Variants in LRFN5 observed in about 807,000 individuals in gnomAD.
The protein encoded by LRFN5 is leucine rich repeat and fibronectin type III domain containing 5.
In LRFN5, 24 loss-of-function variants were observed where a neutral mutation model predicts 45.6. The observed-to-expected ratio is 0.53, with a 90% CI of 0.38 to 0.74. The LOEUF (loss-of-function observed/expected upper bound fraction) is 0.74. Among genes scored for constraint, LRFN5 ranks in the 30% least tolerant of loss-of-function variants. The pLI, the probability that LRFN5 is intolerant of heterozygous loss-of-function variation, is 0.00. For missense variants in LRFN5, 776 were observed against 861.5 expected, an observed-to-expected ratio of 0.90 and a Z score of 1.24; for synonymous variants, 340 against 313.8, an observed-to-expected ratio of 1.08 and a Z score of -0.88.
At chr14:41,611,998 G>A (rs1014935172) in intron 1 of LRFN5, among the ~76,000 whole-genome samples, 4 of 152,108 alleles carry the variant, frequency 2.6e-5, no homozygotes, top group African/African-American at 4.8e-5. Context: ...ATCTTCATAT[G>A]TTATATCATG....
intron 1 of LRFN5, among the ~76,000 whole-genome samples, chr14:41,614,084 G>A (rs1315444174): frequency 1.3e-5 from 2 of 151,948 alleles, no homozygotes; most frequent in Non-Finnish European, 2.9e-5. Context: ...TATAGGATGT[G>A]GTACTTTTCT....
rs1226864820 is a variant in LRFN5 at position 41,891,208 on chromosome 14, TG to T, written c.1386-41del. On this transcript the variant is annotated intron_variant, in intron 3 of 5. Transcript: ENST00000298119. ...ATAATGACTTTCTGTGTATGTGTTT[TG>T]TTTTGTTATTAATATTAACACAAAT... The T allele has an allele frequency of 4.0e-6, 6 of 1,493,138 alleles. No homozygotes were observed. In the African/African-American group the frequency reaches 6.9e-5, roughly 17 times the overall value. The allele number at this position is 1,493,138 out of a possible 1,614,324, so 92.5% of individuals were successfully genotyped here. A position where few individuals can be genotyped will look rare whatever the true frequency, so the allele number is the denominator to read the frequency against.
intron 2 of LRFN5, among the ~76,000 whole-genome samples, chr14:41,800,789 A>G (rs1887301480): frequency 1.3e-5 from 2 of 151,502 alleles, no homozygotes; most frequent in Admixed American, 1.3e-4. Flanking sequence ...AAAAAAAAAC[A>G]CTGCAGTTCA....
chr14:41,894,995 T>C, intron 4 of LRFN5: 5 of 979,610 alleles, frequency 5.1e-6, no homozygotes, highest in Non-Finnish European at 6.1e-6. Flanking sequence ...GCTTCCTCGT[T>C]CTTATTTTTC....
At chr14:41,757,930 A>T (rs936400110) in intron 1 of LRFN5, among the ~76,000 whole-genome samples, 4 of 152,136 alleles carry the variant, frequency 2.6e-5, no homozygotes, top group African/African-American at 9.7e-5. Context: ...ACCCATATAG[A>T]GTGAGCTATC....
chr14:41,778,005 T>C (rs1886350773), intron 2 of LRFN5, among the ~76,000 whole-genome samples: 2 of 110,044 alleles, frequency 1.8e-5, no homozygotes, highest in Non-Finnish European at 3.8e-5. Flanking sequence ...GATCCTTTTT[T>C]TTTGGTGGGG....
intron 1 of LRFN5, among the ~76,000 whole-genome samples, chr14:41,668,512 A>G (rs1002949020): frequency 2.0e-5 from 3 of 152,074 alleles, no homozygotes; most frequent in Non-Finnish European, 2.9e-5. Context: ...TACGTAGTCA[A>G]ATAAAAAATC....
At chr14:41,811,896 A>T (rs533810795) in intron 2 of LRFN5, among the ~76,000 whole-genome samples, 2 of 152,250 alleles carry the variant, frequency 1.3e-5, no homozygotes, top group East Asian at 3.9e-4. Flanking sequence ...CCTTTGAATT[A>T]TATACTTTAA....
In LRFN5 at chr14:41,891,717, C is replaced by T. The variant is rs143897378; in HGVS notation, c.1853C>T (p.Ser618Leu). ...GTGATTCAATCTTCAGAAACTTGTT[C>T]GAGTCAGGACTCCTCTACCACTACC... ...DNVIQSSETC[S>L]SQDSSTTTSA... The change falls in exon 4 of 6, where the codon TCG becomes TTG. Residue 618 changes from serine to leucine, a missense_variant. Physicochemically the swap from Ser to Leu is moderately radical, Grantham distance 145. Coordinates refer to ENST00000298119, the MANE Select transcript of LRFN5 (RefSeq NM_152447.5). 7 of 1,614,028 alleles carry T rather than the reference C, an allele frequency of 4.3e-6. No individual in the cohort carries two copies. The African/African-American group carries it at 6.7e-5, about 15-fold the overall frequency.
intron 2 of LRFN5, among the ~76,000 whole-genome samples, chr14:41,885,155 C>CA (rs56318694): frequency 0.037 from 4,779 of 129,264 alleles, 166 homozygotes; most frequent in African/African-American, 0.097. Flanking sequence ...CCTGTCTCTA[C>CA]AAAAAAAAAA....
chr14:41,755,982 ATT>A (rs1885359038), intron 1 of LRFN5, among the ~76,000 whole-genome samples: 1 of 152,120 alleles, frequency 6.6e-6, no homozygotes, highest in Non-Finnish European at 1.5e-5. Context: ...ATCTCTCAGC[ATT>A]TGCTTGTCTG....
At chr14:41,802,302 G>T (rs1197740940) in intron 2 of LRFN5, among the ~76,000 whole-genome samples, 1 of 152,118 alleles carries the variant, frequency 6.6e-6, no homozygotes, top group Non-Finnish European at 1.5e-5. Flanking sequence ...GATGGGAATT[G>T]GGAGATGGAA....
intron 2 of LRFN5, among the ~76,000 whole-genome samples, chr14:41,867,808 G>C (rs923045219): frequency 1.3e-5 from 2 of 151,654 alleles, no homozygotes; most frequent in South Asian, 4.2e-4. Flanking sequence ...CTTCCTTGCT[G>C]GCTTCCCTCA....
At chr14:41,695,268 CTT>C in intron 1 of LRFN5, among the ~76,000 whole-genome samples, 1 of 151,848 alleles carries the variant, frequency 6.6e-6, no homozygotes, top group East Asian at 1.9e-4. Context: ...GTTCATGAGA[CTT>C]ATAGAAAGAA....
At chr14:41,780,163 T>C (rs1425104387) in intron 2 of LRFN5, among the ~76,000 whole-genome samples, 1 of 152,000 alleles carries the variant, frequency 6.6e-6, no homozygotes, top group Non-Finnish European at 1.5e-5. Flanking sequence ...TTTTAAGTTT[T>C]CTTGAGCCTT....
chr14:41,813,916 T>C (rs1266318482), intron 2 of LRFN5, among the ~76,000 whole-genome samples: 3 of 152,202 alleles, frequency 2.0e-5, no homozygotes, highest in African/African-American at 7.2e-5. Flanking sequence ...TGACCAGTGA[T>C]GATGAGCTTT....
At chr14:41,738,897 A>G (rs1441357366) in intron 1 of LRFN5, among the ~76,000 whole-genome samples, 1 of 152,240 alleles carries the variant, frequency 6.6e-6, no homozygotes, top group Admixed American at 6.5e-5. Context: ...ACTATTTACA[A>G]CAAATGAATC....
chr14:41,680,191 G>C (rs1231587334), intron 1 of LRFN5, among the ~76,000 whole-genome samples: 1 of 152,186 alleles, frequency 6.6e-6, no homozygotes, highest in East Asian at 1.9e-4. Context: ...AAGGGAACTT[G>C]CCACCCTGAA....
At chr14:41,697,048 G>A (rs1343186516) in intron 1 of LRFN5, among the ~76,000 whole-genome samples, 1 of 151,846 alleles carries the variant, frequency 6.6e-6, no homozygotes, top group Non-Finnish European at 1.5e-5. Flanking sequence ...GATATTAGTA[G>A]TATTCTTATT....
Sources: allele counts gnomAD v4.1 joint callset (sites outside exome capture counted in the v4.1 genomes callset), GRCh38; gene constraint gnomAD v4.1.1; transcripts MANE v1.5; gene names NCBI Gene and HGNC (gene_info 2026-07-23, HGNC 2026-07-21).